The following SLC4A8 variants were observed in gnomAD, a reference collection of about 807,000 sequenced individuals.
SLC4A8 encodes solute carrier family 4 member 8.
In SLC4A8, 40 loss-of-function variants were observed where a neutral mutation model predicts 125.0. The observed-to-expected ratio is 0.32, with a 90% CI of 0.25 to 0.42. SLC4A8 has a LOEUF of 0.42. SLC4A8 is among the 10% of genes least tolerant of loss of function. The pLI, the probability that SLC4A8 is intolerant of heterozygous loss-of-function variation, is 1.00. For missense variants in SLC4A8, 863 were observed against 1,355.1 expected, an observed-to-expected ratio of 0.64 and a Z score of 5.70; for synonymous variants, 456 against 476.0, an observed-to-expected ratio of 0.96 and a Z score of 0.55.
chr12:51,424,826 G>T, upstream of SLC4A8: 1 of 674,146 alleles, frequency 1.5e-6, no homozygotes, highest in Middle Eastern at 2.7e-4. Flanking sequence ...TGCGGCGGAT[G>T]CCTCGCGGGC....
At chr12:51,392,566 C>T (rs1166451669) in intron 1 of SLC4A8, among the ~76,000 whole-genome samples, 2 of 75,710 alleles carry the variant, frequency 2.6e-5, no homozygotes, top group African/African-American at 4.4e-5. Context: ...AGCGAGATTC[C>T]GTATCAAAAA....
At chr12:51,448,640 C>T (rs953615178) in intron 2 of SLC4A8, among the ~76,000 whole-genome samples, 16 of 152,144 alleles carry the variant, frequency 1.1e-4, no homozygotes, top group Admixed American at 5.2e-4. Context: ...GCAGTGGCAC[C>T]GGAGCTCAGG....
intron 15 of SLC4A8, 74 bp downstream of exon 15, chr12:51,474,521 G>C (rs1478695016): frequency 6.5e-7 from 1 of 1,542,638 alleles, no homozygotes; most frequent in African/African-American, 1.4e-5. Context: ...TGAAGGGGAG[G>C]AGTAGCCCTT....
chr12:51,484,287 A>G (rs1951106315), intron 16 of SLC4A8, among the ~76,000 whole-genome samples: 1 of 152,192 alleles, frequency 6.6e-6, no homozygotes, highest in African/African-American at 2.4e-5. Flanking sequence ...TGTACTGACT[A>G]CTTGCTCAGG....
intron 5 of SLC4A8, among the ~76,000 whole-genome samples, chr12:51,456,433 G>C (rs1417292885): frequency 6.6e-6 from 1 of 152,172 alleles, no homozygotes; most frequent in Non-Finnish European, 1.5e-5. Context: ...TTTTGAAGAA[G>C]TGCATAGGAC....
intron 1 of SLC4A8, among the ~76,000 whole-genome samples, chr12:51,406,660 C>T (rs1182365041): frequency 6.6e-6 from 1 of 152,178 alleles, no homozygotes; most frequent in Non-Finnish European, 1.5e-5. Flanking sequence ...ACGTTGGTGG[C>T]CCCCACAATT....
intron 2 of SLC4A8, chr12:51,441,004 A>G: frequency 9.1e-7 from 1 of 1,096,566 alleles, no homozygotes; most frequent in Non-Finnish European, 1.2e-6. Flanking sequence ...CTAATTGCCT[A>G]CATGGGAGAT....
intron 11 of SLC4A8, 54 bp from the exon 12 acceptor site, chr12:51,469,560 A>C: frequency 6.6e-7 from 1 of 1,521,342 alleles, no homozygotes; most frequent in Non-Finnish European, 9.1e-7. Context: ...TGCTGTTTAC[A>C]TGCTTTTAGG....
intron 16 of SLC4A8, among the ~76,000 whole-genome samples, chr12:51,484,688 G>C (rs1274067347): frequency 6.6e-6 from 1 of 152,196 alleles, no homozygotes; most frequent in Non-Finnish European, 1.5e-5. Flanking sequence ...ATTAAGGCAG[G>C]CACGGGTCAT....
At chr12:51,456,358 T>G (rs920104687) in intron 5 of SLC4A8, among the ~76,000 whole-genome samples, 3 of 152,212 alleles carry the variant, frequency 2.0e-5, no homozygotes, top group African/African-American at 7.2e-5. Context: ...CATTTATTTC[T>G]TCTAGTACTT....
chr12:51,417,810 C>G (rs759290174), intron 1 of SLC4A8, among the ~76,000 whole-genome samples: 8 of 152,194 alleles, frequency 5.3e-5, no homozygotes, highest in Admixed American at 1.3e-4. Context: ...GCCACTGCAC[C>G]CGGCCTAATT....
chr12:51,429,917 C>G (rs1181065842), intron 1 of SLC4A8, among the ~76,000 whole-genome samples: 1 of 151,610 alleles, frequency 6.6e-6, no homozygotes, highest in African/African-American at 2.4e-5. Flanking sequence ...ACTGGGGACA[C>G]CTGGTATCTT....
chr12:51,489,688 G>C lies in SLC4A8; in HGVS notation c.2449-12G>C, dbSNP rs765489351. 1 of 1,613,806 alleles carries C rather than the reference G, an allele frequency of 6.2e-7. No individual in the cohort carries two copies. The highest frequency in any genetic ancestry group is 1.1e-5 in the South Asian group (1 of 91,062). On this transcript the variant is annotated splice_polypyrimidine_tract_variant and intron_variant, in intron 18 of 24. Coordinates refer to ENST00000453097, the MANE Select transcript of SLC4A8 (RefSeq NM_001039960.3). ...GCCTACTGATGGTGACAAAGACTCT[G>C]TTTCCCCACAGAAAGGCTGTGGCTA...
chr12:51,476,906 C>CTTTTTTTTTTTTTTTT (rs67928969), intron 16 of SLC4A8, among the ~76,000 whole-genome samples: 1 of 118,540 alleles, frequency 8.4e-6, no homozygotes, highest in Non-Finnish European at 1.8e-5. Context: ...TTTTTCTTTT[C>CTTTTTTTTTTTTTTTT]TTTTTTTTTT....
Position 51,394,392 on chromosome 12 carries a change from C to T in SLC4A8, c.-112+2904C>T, listed in dbSNP as rs1370038646. Among the ~76,000 whole-genome samples, 4 of 152,254 alleles carry T rather than the reference C, an allele frequency of 2.6e-5. No individual in the cohort carries two copies. In the East Asian group the frequency reaches 7.7e-4, roughly 29 times the overall value. On this transcript the variant is annotated intron_variant, in intron 1 of 24. Transcript: ENST00000358657. Reference sequence around the variant, plus strand: ...TGTGACCCACCCCTAATGTGTCATGCACTGAGCTGTTCTCTCCTAACAGGA... The same window carrying T: ...TGTGACCCACCCCTAATGTGTCATGTACTGAGCTGTTCTCTCCTAACAGGA...
intron 9 of SLC4A8, 48 bp downstream of exon 9, chr12:51,461,339 A>T: frequency 9.4e-7 from 1 of 1,069,258 alleles, no homozygotes; most frequent in African/African-American, 1.6e-5. Flanking sequence ...ATATTTATTG[A>T]ATATTTACTC....
intron 19 of SLC4A8, among the ~76,000 whole-genome samples, chr12:51,490,972 C>T (rs922698120): frequency 8.5e-5 from 13 of 152,132 alleles, no homozygotes; most frequent in East Asian, 1.9e-4. Flanking sequence ...CAGATAAAAA[C>T]GCATGGCTTC....
chr12:51,474,954 A>G (rs1401327940), intron 15 of SLC4A8, 91 bp from the exon 16 acceptor site: 19 of 1,196,374 alleles, frequency 1.6e-5, no homozygotes, highest in Non-Finnish European at 2.0e-5. Context: ...CCCAACAACC[A>G]TGGGATGACA....
intron 3 of SLC4A8, among the ~76,000 whole-genome samples, 161 bp downstream of exon 3, chr12:51,451,183 A>T (rs542523268): frequency 6.6e-6 from 1 of 152,254 alleles, no homozygotes; most frequent in East Asian, 1.9e-4. Flanking sequence ...AGTCAAAAAT[A>T]TTTTCGTGAA....
Sources: allele counts gnomAD v4.1 joint callset (sites outside exome capture counted in the v4.1 genomes callset), GRCh38; gene constraint gnomAD v4.1.1; transcripts MANE v1.5; gene names NCBI Gene and HGNC (gene_info 2026-07-23, HGNC 2026-07-21).